The following BRINP1 variants were observed in gnomAD, a reference collection of about 807,000 sequenced individuals.
BRINP1 encodes BMP/retinoic acid inducible neural specific 1, also known as BMP/retinoic acid-inducible neural-specific protein 1.
BRINP1 carries 17 observed loss-of-function variants against 72.9 expected under a neutral mutation model. The observed-to-expected ratio is 0.23, with a 90% CI of 0.16 to 0.35. The LOEUF is 0.35. Among genes scored for constraint, BRINP1 ranks in the 10% least tolerant of loss-of-function variants. The pLI is 1.00. For missense variants in BRINP1, 850 were observed against 1,001.6 expected (o/e 0.85, Z 2.04); for synonymous variants, 418 against 378.5 (o/e 1.10, Z -1.21).
rs930472219 is a variant in BRINP1, at chr9:119,368,440, C to T, written c.-51+616G>A. Among the ~76,000 whole-genome samples, 1 of 151,960 alleles carries T rather than the reference C, an allele frequency of 6.6e-6. No individual in the cohort carries two copies. Among genetic ancestry groups the T allele is most frequent in the African/African-American group, 2.4e-5 (1 of 41,370 alleles). On this transcript the variant is annotated intron_variant, in intron 1 of 7. Transcript: ENST00000265922. This position sits in a 1 kb window ranked among gnomAD's most constrained non-coding sequence, Gnocchi z 4.7. ...CCGTTTGGAGGAATTTTCCTTCAAG[C>T]GTACCAACATTGGGCTAAATAAGGT... is the stretch of plus-strand genomic sequence containing the variant.
chr9:119,297,442 C>T (rs935067970), intron 2 of BRINP1, among the ~76,000 whole-genome samples: 26 of 152,118 alleles, frequency 1.7e-4, no homozygotes, highest in Non-Finnish European at 3.2e-4. Context: ...GTGTGACTTC[C>T]CAGCTGTGTG....
At chr9:119,257,789 A>G (rs535459231) in intron 2 of BRINP1, among the ~76,000 whole-genome samples, 1 of 152,272 alleles carries the variant, frequency 6.6e-6, no homozygotes, top group East Asian at 1.9e-4. Context: ...CACGATCCTC[A>G]GCCAGCTCAG....
At chr9:119,172,351 A>T (rs1829423956) in intron 7 of BRINP1, among the ~76,000 whole-genome samples, 1 of 152,124 alleles carries the variant, frequency 6.6e-6, no homozygotes, top group African/African-American at 2.4e-5. Flanking sequence ...TACTACAAAC[A>T]CCTCTACACA....
At chr9:119,239,961 G>T (rs1830231273) in intron 4 of BRINP1, among the ~76,000 whole-genome samples, 1 of 151,980 alleles carries the variant, frequency 6.6e-6, no homozygotes, top group Admixed American at 6.6e-5. Flanking sequence ...TCTCCGCCCG[G>T]GTTAGTGGCT....
At chr9:119,303,050 C>G (rs1830955393) in intron 2 of BRINP1, among the ~76,000 whole-genome samples, 1 of 152,070 alleles carries the variant, frequency 6.6e-6, no homozygotes, top group Admixed American at 6.6e-5. Flanking sequence ...TGTTTACCAG[C>G]AGGGAGACTT....
At chr9:119,220,171 A>G (rs777875428) in intron 5 of BRINP1, among the ~76,000 whole-genome samples, 5 of 152,152 alleles carry the variant, frequency 3.3e-5, no homozygotes, top group African/African-American at 4.8e-5. Context: ...TTTATTCATT[A>G]TAAGATGGGA....
intron 7 of BRINP1, among the ~76,000 whole-genome samples, chr9:119,199,216 A>G (rs1245462665): frequency 3.3e-5 from 5 of 152,168 alleles, no homozygotes; most frequent in African/African-American, 1.2e-4. Flanking sequence ...TCAATAAAAT[A>G]TAAGAAGCCA....
intron 2 of BRINP1, among the ~76,000 whole-genome samples, chr9:119,261,125 G>A (rs948389714): frequency 6.6e-6 from 1 of 152,144 alleles, no homozygotes; most frequent in East Asian, 1.9e-4. Flanking sequence ...AAGTAGAGGG[G>A]TGCCTGTCTT....
intron 1 of BRINP1, among the ~76,000 whole-genome samples, chr9:119,367,186 T>C (rs981097118): frequency 7.4e-6 from 1 of 134,476 alleles, no homozygotes; most frequent in African/African-American, 2.8e-5. Context: ...CCCCAGAATA[T>C]GAACACATGT....
intron 1 of BRINP1, among the ~76,000 whole-genome samples, chr9:119,323,319 C>T (rs891118963): frequency 5.3e-5 from 8 of 152,182 alleles, no homozygotes; most frequent in Non-Finnish European, 1.2e-4. Context: ...CAGGCTGAAA[C>T]CCAGCAGCAG....
rs1364743371 is a variant in BRINP1, at chr9:119,166,859, G to A, written c.*225C>T. The A allele has an allele frequency of 7.9e-6, 4 of 505,276 alleles. No individual in the cohort carries two copies. Among genetic ancestry groups the A allele is most frequent in the Non-Finnish European group, 1.0e-5 (3 of 288,606 alleles). 31.3% of individuals were successfully genotyped at this position (505,276 alleles called of 1,614,324 possible). A position where few individuals can be genotyped will look rare whatever the true frequency, so the allele number is the denominator to read the frequency against. On this transcript the variant is annotated 3_prime_UTR_variant, in exon 8 of 8. Transcript: ENST00000265922. The stretch of plus-strand genomic sequence containing the variant: ...CCCTCAATGCTCCACAAAAGGCTGA[G>A]ACCCTTCTTCATGACAGAGTGAGTA...
At chr9:119,221,552 G>T (rs1004236995) in intron 5 of BRINP1, among the ~76,000 whole-genome samples, 1 of 152,118 alleles carries the variant, frequency 6.6e-6, no homozygotes, top group Non-Finnish European at 1.5e-5. Context: ...TCATTCAGAA[G>T]TTCAGCTCTG....
chr9:119,355,661 G>A (rs1240762585), intron 1 of BRINP1, among the ~76,000 whole-genome samples: 6 of 151,410 alleles, frequency 4.0e-5, no homozygotes, highest in African/African-American at 7.3e-5. Context: ...CCTGGGAGGC[G>A]GAGCTTGCAG....
chr9:119,344,089 A>C (rs1392010756), intron 1 of BRINP1, among the ~76,000 whole-genome samples: 2 of 152,158 alleles, frequency 1.3e-5, no homozygotes, highest in African/African-American at 4.8e-5. Context: ...AGCGGGAGTC[A>C]GAGGAGCTCA....
chr9:119,363,328 C>G (rs755900879), intron 1 of BRINP1, among the ~76,000 whole-genome samples: 1 of 152,112 alleles, frequency 6.6e-6, no homozygotes, highest in Non-Finnish European at 1.5e-5. Context: ...TCTCAAACAC[C>G]TGGGCTCAAG....
chr9:119,260,672 C>T (rs1289505250), intron 2 of BRINP1, among the ~76,000 whole-genome samples: 1 of 152,166 alleles, frequency 6.6e-6, no homozygotes, highest in Non-Finnish European at 1.5e-5. Context: ...ACCTGAATAA[C>T]ACACTCGTTA....
At chr9:119,347,359 ACCCTTTTAAC>A (rs1226842190) in intron 1 of BRINP1, among the ~76,000 whole-genome samples, 1 of 152,086 alleles carries the variant, frequency 6.6e-6, no homozygotes, top group Non-Finnish European at 1.5e-5. Context: ...AGTCACAGAA[ACCCTTTTAAC>A]CTCAGTTCCC....
intron 6 of BRINP1, 47 bp downstream of exon 6, chr9:119,213,872 C>G: frequency 6.5e-7 from 1 of 1,528,368 alleles, no homozygotes; most frequent in Non-Finnish European, 9.1e-7. Context: ...CCCTTTCAGA[C>G]TTGGCTCAAG....
At chr9:119,169,347 C>T (rs1193064543) in intron 7 of BRINP1, among the ~76,000 whole-genome samples, 8 of 152,170 alleles carry the variant, frequency 5.3e-5, no homozygotes, top group Admixed American at 3.3e-4. Flanking sequence ...GTTCCCTTTC[C>T]GAAACAAAGA....
Sources: allele counts gnomAD v4.1 joint callset (sites outside exome capture counted in the v4.1 genomes callset), GRCh38; gene constraint gnomAD v4.1.1; non-coding constraint Gnocchi (gnomAD v3.1); transcripts MANE v1.5; gene names NCBI Gene and HGNC (gene_info 2026-07-23, HGNC 2026-07-21).